Variants in CACNA2D3 observed in about 807,000 individuals in gnomAD.
CACNA2D3 encodes calcium voltage-gated channel auxiliary subunit alpha2delta 3.
In CACNA2D3, 60 loss-of-function variants were observed where a neutral mutation model predicts 160.6. The observed-to-expected ratio is 0.37, with a 90% confidence interval of 0.30 to 0.46. The LOEUF (loss-of-function observed/expected upper bound fraction) is 0.46. CACNA2D3 is among the 20% of genes least tolerant of loss of function. The pLI is 1.00. For missense variants in CACNA2D3, 1,205 were observed against 1,365.0 expected (o/e 0.88, Z 1.85); for synonymous variants, 558 against 492.9 (o/e 1.13, Z -1.75).
chr3:54,918,995 CT>C (rs3832225), intron 27 of CACNA2D3: 31,835 of 677,970 alleles, frequency 0.047, 3 homozygotes, highest in Non-Finnish European at 0.055. Flanking sequence ...TATGAAGTAC[CT>C]TTTTTTTTTT....
chr3:54,169,594 ACT>A (rs944408104), intron 2 of CACNA2D3, among the ~76,000 whole-genome samples: 1 of 152,218 alleles, frequency 6.6e-6, no homozygotes, highest in African/African-American at 2.4e-5. Context: ...TTAAATGGTG[ACT>A]CATGCAATAA....
chr3:54,801,368 T>A (rs1248246294), intron 13 of CACNA2D3, among the ~76,000 whole-genome samples: 1 of 151,674 alleles, frequency 6.6e-6, no homozygotes, highest in South Asian at 2.1e-4. Context: ...TTGCTCAGAG[T>A]GTAACTTGGG....
intron 14 of CACNA2D3, among the ~76,000 whole-genome samples, chr3:54,819,295 T>A (rs1921539): frequency 6.6e-6 from 1 of 152,244 alleles, no homozygotes; most frequent in Non-Finnish European, 1.5e-5. Context: ...TTTCCACTTT[T>A]GTTTTGAAAG....
At chr3:54,410,416 G>A (rs562516132) in intron 4 of CACNA2D3, among the ~76,000 whole-genome samples, 3 of 152,104 alleles carry the variant, frequency 2.0e-5, no homozygotes, top group Non-Finnish European at 4.4e-5. Context: ...TTCAAAGCTC[G>A]GGCTGACTCT....
chr3:54,605,291 G>C (rs577624993), intron 9 of CACNA2D3, among the ~76,000 whole-genome samples: 26 of 152,196 alleles, frequency 1.7e-4, no homozygotes, highest in African/African-American at 6.0e-4. Context: ...TTTTGTGGGG[G>C]ACACAATTCA....
chr3:54,255,115 A>G (rs978633744), intron 2 of CACNA2D3, among the ~76,000 whole-genome samples: 7 of 152,220 alleles, frequency 4.6e-5, no homozygotes, highest in Non-Finnish European at 8.8e-5. Context: ...TCTCAGGTTA[A>G]AAACTGTTGA....
At chr3:54,209,617 A>G (rs1701336209) in intron 2 of CACNA2D3, among the ~76,000 whole-genome samples, 1 of 152,236 alleles carries the variant, frequency 6.6e-6, no homozygotes, top group Non-Finnish European at 1.5e-5. Context: ...TGGAAGAAAG[A>G]CAGGAGCCGT....
chr3:54,816,576 T>G (rs1703462521), intron 13 of CACNA2D3, among the ~76,000 whole-genome samples: 1 of 152,170 alleles, frequency 6.6e-6, no homozygotes, highest in Non-Finnish European at 1.5e-5. Context: ...GGTTCCAGCT[T>G]TATAGGAGTT....
chr3:54,984,996 G>C (rs183261792), intron 30 of CACNA2D3, among the ~76,000 whole-genome samples: 1 of 152,162 alleles, frequency 6.6e-6, no homozygotes, highest in African/African-American at 2.4e-5. Context: ...TCGAGGGTGG[G>C]GTGCCTTAAA....
chr3:54,841,267 A>G (rs576714889), intron 16 of CACNA2D3, among the ~76,000 whole-genome samples: 1 of 152,254 alleles, frequency 6.6e-6, no homozygotes, highest in Non-Finnish European at 1.5e-5. Context: ...GATGCTTGAA[A>G]TAACTTTCTC....
At chr3:54,500,504 TCTTCCTTCCTTCCTTC>T (rs56816802) in intron 4 of CACNA2D3, among the ~76,000 whole-genome samples, 71 of 102,118 alleles carry the variant, frequency 7.0e-4, no homozygotes, top group African/African-American at 2.6e-3. Flanking sequence ...TTCCTTCCTA[TCTTCCTTCCTTCCTTC>T]CTTCCTTCCT....
chr3:55,005,411 A>G (rs1703073646), intron 32 of CACNA2D3, among the ~76,000 whole-genome samples: 1 of 152,216 alleles, frequency 6.6e-6, no homozygotes, highest in African/African-American at 2.4e-5. Context: ...CTTGTGACAG[A>G]TGGAAAAAGG....
chr3:54,931,858 CT>C (rs1161179733), intron 27 of CACNA2D3, among the ~76,000 whole-genome samples: 2 of 152,150 alleles, frequency 1.3e-5, no homozygotes, highest in African/African-American at 4.8e-5. Context: ...TGTAATAGCT[CT>C]TTCTCCCAGG....
chr3:54,506,853 A>C (rs1188836984), intron 5 of CACNA2D3, among the ~76,000 whole-genome samples: 1 of 152,202 alleles, frequency 6.6e-6, no homozygotes, highest in African/African-American at 2.4e-5. Context: ...TCTATGAGTA[A>C]AGCAAGAGGC....
At chr3:54,142,373 T>G (rs1241636390) in intron 2 of CACNA2D3, among the ~76,000 whole-genome samples, 1 of 152,228 alleles carries the variant, frequency 6.6e-6, no homozygotes, top group Non-Finnish European at 1.5e-5. Flanking sequence ...GTTCCTGCTA[T>G]GCCAGGGGCT....
intron 17 of CACNA2D3, among the ~76,000 whole-genome samples, chr3:54,855,480 G>T (rs1443637401): frequency 1.2e-4 from 18 of 152,114 alleles, no homozygotes. Context: ...TCCTGCTGTG[G>T]CCCTGAGTGA....
At chr3:54,615,783 C>T (rs1448121255) in intron 9 of CACNA2D3, among the ~76,000 whole-genome samples, 1 of 152,198 alleles carries the variant, frequency 6.6e-6, no homozygotes, top group African/African-American at 2.4e-5. Context: ...AAATACCATA[C>T]TGGTCTCTGG....
intron 2 of CACNA2D3, among the ~76,000 whole-genome samples, chr3:54,157,835 C>CCAAAAAAA (rs749735814): frequency 7.4e-6 from 1 of 134,348 alleles, no homozygotes; most frequent in Non-Finnish European, 1.7e-5. Flanking sequence ...CCCAACCAAA[C>CCAAAAAAA]AAAAAAAAAA....
intron 4 of CACNA2D3, among the ~76,000 whole-genome samples, chr3:54,485,760 C>T (rs969937696): frequency 6.6e-6 from 1 of 152,086 alleles, no homozygotes; most frequent in African/African-American, 2.4e-5. Flanking sequence ...GATGGGGTTT[C>T]ACCAGGTTGG....
Sources: gnomAD v4.1 joint callset for allele counts (sites outside exome capture counted in the v4.1 genomes callset) on GRCh38, gnomAD v4.1.1 for gene constraint, MANE v1.5 for transcripts, NCBI Gene and HGNC (gene_info 2026-07-23, HGNC 2026-07-21) for gene names.